The following CNTN5 variants were observed in gnomAD, a reference collection of about 807,000 sequenced individuals.
The protein encoded by CNTN5 is contactin 5, also known as contactin-5.
CNTN5 carries 77 observed loss-of-function variants against 129.1 expected under a neutral mutation model. The ratio of observed to expected loss-of-function variants is 0.60; its 90% CI spans 0.50 to 0.72. CNTN5 has a LOEUF of 0.72. Among genes scored for constraint, CNTN5 ranks in the 30% least tolerant of loss-of-function variants. The pLI is 0.00. For synonymous variants in CNTN5, 509 were observed against 465.6 expected, an observed-to-expected ratio of 1.09 and a Z score of -1.20; for missense variants, 1,478 against 1,328.8, an observed-to-expected ratio of 1.11 and a Z score of -1.75.
chr11:99,178,004 G>GAA, intron 1 of CNTN5, among the ~76,000 whole-genome samples: 1 of 151,988 alleles, frequency 6.6e-6, no homozygotes, highest in Non-Finnish European at 1.5e-5. Flanking sequence ...ATCTTGGGGA[G>GAA]AAAAATCAGA....
At chr11:100,340,145 G>A (rs1272188496) in intron 21 of CNTN5, among the ~76,000 whole-genome samples, 3 of 152,196 alleles carry the variant, frequency 2.0e-5, no homozygotes, top group African/African-American at 7.2e-5. Context: ...TGAGAGAAAA[G>A]CACTCCAATT....
At chr11:99,170,442 T>C (rs990215515) in intron 1 of CNTN5, among the ~76,000 whole-genome samples, 4 of 152,204 alleles carry the variant, frequency 2.6e-5, no homozygotes, top group African/African-American at 9.6e-5. Flanking sequence ...CAAATCACTT[T>C]ATCTCTAAGG....
At chr11:99,945,722 T>C (rs550940287) in intron 7 of CNTN5, among the ~76,000 whole-genome samples, 39 of 152,138 alleles carry the variant, frequency 2.6e-4, no homozygotes, top group Non-Finnish European at 4.9e-4. Flanking sequence ...GTGCAAATAT[T>C]CAAGCACGTT....
intron 13 of CNTN5, among the ~76,000 whole-genome samples, chr11:100,092,569 C>A (rs748715045): frequency 1.3e-5 from 2 of 152,130 alleles, no homozygotes; most frequent in Admixed American, 6.6e-5. Flanking sequence ...TAACTAAACC[C>A]TTTGATATAG....
intron 1 of CNTN5, among the ~76,000 whole-genome samples, chr11:99,032,635 C>T (rs1246280974): frequency 3.3e-5 from 5 of 151,846 alleles, no homozygotes; most frequent in African/African-American, 1.2e-4. Flanking sequence ...TCTTGTAAAT[C>T]TGTTTGAGTT....
intron 21 of CNTN5, among the ~76,000 whole-genome samples, chr11:100,332,939 C>A (rs1311735545): frequency 1.3e-5 from 2 of 151,960 alleles, no homozygotes; most frequent in African/African-American, 4.8e-5. Flanking sequence ...GGAAGTCCTA[C>A]CCAGAGCAAT....
intron 13 of CNTN5, among the ~76,000 whole-genome samples, chr11:100,184,789 G>A (rs1056076276): frequency 6.6e-6 from 1 of 152,044 alleles, no homozygotes; most frequent in Non-Finnish European, 1.5e-5. Context: ...GATATATAGG[G>A]ATCATTTACA....
intron 8 of CNTN5, among the ~76,000 whole-genome samples, chr11:99,981,921 T>A (rs1369514188): frequency 1.3e-5 from 2 of 152,138 alleles, no homozygotes; most frequent in South Asian, 2.1e-4. Flanking sequence ...AATTATCTCA[T>A]TAGAGAAACA....
chr11:100,185,866 T>C (rs1948287568), intron 13 of CNTN5, among the ~76,000 whole-genome samples: 1 of 152,286 alleles, frequency 6.6e-6, no homozygotes, highest in Admixed American at 6.5e-5. Context: ...AACCCAACCA[T>C]TCTTGCACCT....
intron 3 of CNTN5, among the ~76,000 whole-genome samples, chr11:99,727,029 G>C (rs182543621): frequency 6.6e-6 from 1 of 151,486 alleles, no homozygotes; most frequent in African/African-American, 2.4e-5. Context: ...GGGCATGGCC[G>C]GGCGCGGTGG....
intron 3 of CNTN5, among the ~76,000 whole-genome samples, chr11:99,733,197 C>T (rs756890771): frequency 1.3e-5 from 2 of 151,812 alleles, no homozygotes; most frequent in Non-Finnish European, 2.9e-5. Flanking sequence ...GTGAGGGGTG[C>T]CTGTAATCCC....
chr11:99,570,564 T>C (rs1689020079), intron 3 of CNTN5, among the ~76,000 whole-genome samples: 2 of 152,200 alleles, frequency 1.3e-5, no homozygotes, highest in South Asian at 2.1e-4. Context: ...AAGGATCTTT[T>C]AGTATAATTC....
rs1212636025 is a variant in CNTN5 at position 99,429,394 on chromosome 11, A to G, written c.-71+103910A>G. Among the ~76,000 whole-genome samples the G allele has an allele frequency of 2.6e-5, 4 of 152,090 alleles. No individual in the cohort carries two copies. In the East Asian group the frequency reaches 7.7e-4, roughly 29 times the overall value. On this transcript the variant is annotated intron_variant, in intron 2 of 24. Transcript: ENST00000524871. ...TTATTCCACCCCTACTTTAAACTTCACTTTTCTTGATAATCTACTTCATTA... is the reference window on the plus strand; with the variant it reads ...TTATTCCACCCCTACTTTAAACTTCGCTTTTCTTGATAATCTACTTCATTA...
At chr11:99,700,519 T>C (rs987085966) in intron 3 of CNTN5, among the ~76,000 whole-genome samples, 19 of 151,394 alleles carry the variant, frequency 1.3e-4, no homozygotes, top group Admixed American at 5.3e-4. Flanking sequence ...TTATCTCACC[T>C]AGCTCTAAAA....
chr11:99,843,567 C>A (rs768580460), intron 4 of CNTN5, among the ~76,000 whole-genome samples: 1 of 152,024 alleles, frequency 6.6e-6, no homozygotes, highest in African/African-American at 2.4e-5. Flanking sequence ...GGAACTATGT[C>A]TTTACTGAAA....
At chr11:100,096,542 C>T (rs1945016976) in intron 13 of CNTN5, among the ~76,000 whole-genome samples, 1 of 152,058 alleles carries the variant, frequency 6.6e-6, no homozygotes, top group South Asian at 2.1e-4. Context: ...CTACCATTCT[C>T]CTAGCCATCC....
intron 7 of CNTN5, among the ~76,000 whole-genome samples, chr11:99,921,481 A>G (rs943663185): frequency 1.3e-5 from 2 of 152,154 alleles, no homozygotes; most frequent in African/African-American, 4.8e-5. Context: ...AACCTTTTAC[A>G]ATCTTCCTCT....
At chr11:99,271,543 A>G (rs1332948611) in intron 1 of CNTN5, among the ~76,000 whole-genome samples, 1 of 151,846 alleles carries the variant, frequency 6.6e-6, no homozygotes, top group African/African-American at 2.4e-5. Flanking sequence ...CTAAAGCATC[A>G]TATATTTACC....
intron 23 of CNTN5, among the ~76,000 whole-genome samples, chr11:100,349,284 A>C (rs1952352867): frequency 6.6e-6 from 1 of 151,978 alleles, no homozygotes; most frequent in Admixed American, 6.6e-5. Context: ...ATTCAAGCTC[A>C]AAACACATTT....
Sources: allele counts gnomAD v4.1 joint callset (sites outside exome capture counted in the v4.1 genomes callset), GRCh38; gene constraint gnomAD v4.1.1; transcripts MANE v1.5; gene names NCBI Gene and HGNC (gene_info 2026-07-23, HGNC 2026-07-21).